CCDC180: variants seen among roughly 807,000 people sequenced by gnomAD.
The protein encoded by CCDC180 is coiled-coil domain containing 180.
CCDC180 carries 154 observed loss-of-function variants against 209.2 expected under a neutral mutation model. The ratio of observed to expected loss-of-function variants is 0.74; its 90% CI spans 0.65 to 0.84. CCDC180 has a LOEUF of 0.84. CCDC180 is among the 40% of genes least tolerant of loss of function. The pLI, the probability that CCDC180 is intolerant of heterozygous loss-of-function variation, is 0.00. For synonymous variants in CCDC180, 778 were observed against 749.1 expected (o/e 1.04, Z -0.63); for missense variants, 1,874 against 1,997.3 (o/e 0.94, Z 1.18).
chr9:97,338,295 A>C (rs1825970402), intron 18 of CCDC180, among the ~76,000 whole-genome samples: 1 of 152,176 alleles, frequency 6.6e-6, no homozygotes. Context: ...TCTTGTGGGC[A>C]TTTAGTGCTA....
chr9:97,366,641 G>T lies in CCDC180; in HGVS notation c.4130G>T (p.Ser1377Ile), dbSNP rs771492902. ...DTFDQCAENI[S>I]KKILEYQSQA... ...TTTGACCAGTGCGCCGAGAACATTA[G>T]CAAAAAGATCCTGGAGTATCAGAGC... Residue 1377 changes from serine to isoleucine, a missense_variant, in exon 31 of 37, where the codon AGC becomes ATC. Transcript: ENST00000529487. This position sits in a 1 kb window ranked among gnomAD's most constrained non-coding sequence, Gnocchi z 4.3. 2 of 1,614,204 alleles carry T rather than the reference G, an allele frequency of 1.2e-6. No individual in the cohort carries two copies. Among genetic ancestry groups the T allele is most frequent in the South Asian group, 2.2e-5 (2 of 91,084 alleles).
chr9:97,323,296 C>T (rs1412018488), intron 12 of CCDC180, among the ~76,000 whole-genome samples: 17 of 152,114 alleles, frequency 1.1e-4, no homozygotes, highest in Admixed American at 1.0e-3. Context: ...CAGCACTGGG[C>T]GTTGTTTATG....
chr9:97,375,609 G>A lies in CCDC180; in HGVS notation c.4842+20G>A. The A allele has an allele frequency of 1.2e-6, 2 of 1,614,050 alleles. No individual in the cohort carries two copies. On this transcript the variant is annotated intron_variant, in intron 36 of 36. Coordinates refer to ENST00000529487, the MANE Select transcript of CCDC180 (RefSeq NM_020893.6). Reference sequence around the variant, plus strand: ...TACCTGGTGAGACAGGGTGGAGTGGGCGTGTCCCAGGGAGCACAGCTCAGG... The same window carrying A: ...TACCTGGTGAGACAGGGTGGAGTGGACGTGTCCCAGGGAGCACAGCTCAGG...
chr9:97,375,754 C>T, intron 36 of CCDC180, 165 bp downstream of exon 36: 1 of 759,606 alleles, frequency 1.3e-6, no homozygotes, highest in South Asian at 1.8e-5. Flanking sequence ...GGACAGTCAC[C>T]ATTCACAGGC....
At chr9:97,358,739 G>A (rs745702503) in intron 25 of CCDC180, among the ~76,000 whole-genome samples, 6 of 152,124 alleles carry the variant, frequency 3.9e-5, no homozygotes, top group South Asian at 2.1e-4. Context: ...GGCCACACCA[G>A]GGAACCATTC....
At chr9:97,359,905 C>G in intron 25 of CCDC180, 77 bp from the exon 26 acceptor site, 9 of 1,571,058 alleles carry the variant, frequency 5.7e-6, no homozygotes, top group Middle Eastern at 1.7e-4. Context: ...AGCCCCTGTT[C>G]CCGCACTTCC....
chr9:97,317,298 T>C, intron 9 of CCDC180, 70 bp downstream of exon 9: 1 of 1,349,852 alleles, frequency 7.4e-7, no homozygotes, highest in Non-Finnish European at 9.7e-7. Flanking sequence ...GGCGGCATTC[T>C]CCCTCACTTT....
chr9:97,348,721 C>T (rs1472507461), intron 20 of CCDC180, among the ~76,000 whole-genome samples: 3 of 152,164 alleles, frequency 2.0e-5, no homozygotes, highest in South Asian at 4.1e-4. Flanking sequence ...CATAAGTATC[C>T]GCTGATGTTA....
At position 97,354,972 on chromosome 9, in the gene CCDC180, G is replaced by A. The variant is rs2118840344; in HGVS notation, c.3228G>A (p.Arg1076=). 1 of 1,613,818 alleles carries A rather than the reference G, an allele frequency of 6.2e-7. No homozygotes were observed. Among genetic ancestry groups the A allele is most frequent in the East Asian group, 2.2e-5 (1 of 44,882 alleles). The change falls in exon 24 of 37, where the codon CGG becomes CGA. Residue 1076 remains arginine (R), a synonymous_variant. Transcript: ENST00000529487. The part of the protein sequence containing the change: ...VDLIFIEKIQ[R]LLTNLQVKIK... ...TTATTTTCATAGAGAAAATCCAGCGGTTGCTGACGAATCTGCAAGTGAAAA... is the reference window on the plus strand; with the variant it reads ...TTATTTTCATAGAGAAAATCCAGCGATTGCTGACGAATCTGCAAGTGAAAA...
At chr9:97,332,911 T>C (rs542225721) in intron 18 of CCDC180, among the ~76,000 whole-genome samples, 5 of 152,214 alleles carry the variant, frequency 3.3e-5, no homozygotes, top group African/African-American at 4.8e-5. Context: ...ACTAGTTGAA[T>C]AGGAGTGGTG....
chr9:97,318,945 G>A (rs1324303799), intron 10 of CCDC180, among the ~76,000 whole-genome samples: 1 of 152,184 alleles, frequency 6.6e-6, no homozygotes, highest in African/African-American at 2.4e-5. Context: ...CAGTTTGGAG[G>A]TATGTGTCAG....
intron 31 of CCDC180, among the ~76,000 whole-genome samples, chr9:97,369,056 C>G (rs1472118689): frequency 6.6e-6 from 1 of 152,114 alleles, no homozygotes; most frequent in Non-Finnish European, 1.5e-5. Context: ...ATAAAACTTT[C>G]ATGAAGGAAA....
intron 9 of CCDC180, 108 bp from the exon 10 acceptor site, chr9:97,318,355 G>A (rs1191217459): frequency 5.8e-6 from 8 of 1,378,996 alleles, no homozygotes; most frequent in Non-Finnish European, 7.9e-6. Flanking sequence ...TGGTGTTAGG[G>A]AAGGAGTGCT....
rs201795180 is a variant in CCDC180, at chr9:97,325,112, C to G, written c.1465C>G (p.Gln489Glu). ...GGTGGTACAACTGTGGGAGGCACAC[C>G]AGAGCGAGCTGTTGGTGCAGGAGCT... ...QEVVQLWEAHQSELLVQELEL... is the reference protein window; with the variant it reads ...QEVVQLWEAHESELLVQELEL... The change falls in exon 14 of 37, where the codon CAG (glutamine) becomes GAG (glutamate). Residue 489 changes from glutamine (Q) to glutamate (E), a missense_variant. Gln to Glu is a conservative substitution (Grantham distance 29). Coordinates refer to ENST00000529487, the MANE Select transcript of CCDC180 (RefSeq NM_020893.6). 2 of 1,613,660 alleles carry G rather than the reference C, an allele frequency of 1.2e-6. No individual in the cohort carries two copies. Among genetic ancestry groups the G allele is most frequent in the Non-Finnish European group, 1.7e-6 (2 of 1,179,898 alleles).
chr9:97,307,840 C>G (rs1388022271), intron 1 of CCDC180, 34 bp downstream of exon 1: 2 of 1,613,158 alleles, frequency 1.2e-6, no homozygotes, highest in South Asian at 1.1e-5. Flanking sequence ...AGTTAAAACC[C>G]TAAGTCGACG....
intron 18 of CCDC180, among the ~76,000 whole-genome samples, chr9:97,341,214 CCAGA>C (rs1826067577): frequency 6.6e-6 from 1 of 152,128 alleles, no homozygotes; most frequent in Non-Finnish European, 1.5e-5. Flanking sequence ...AACTGTGCAG[CCAGA>C]CATTCAGGGC....
At position 97,364,065 on chromosome 9, in the gene CCDC180, C is replaced by G. The variant is rs1023186538; in HGVS notation, c.3917C>G (p.Pro1306Arg). ...TTGTCCCACAGCTTCACACCGCACCCCAAGCCCAACAAAATGGAGAGAAAG... is the reference window on the plus strand; with the variant it reads ...TTGTCCCACAGCTTCACACCGCACCGCAAGCCCAACAAAATGGAGAGAAAG... ...ATSAGSFTPH[P>R]KPNKMERKYR... is the part of the protein sequence containing the mutation. Residue 1306 changes from proline to arginine, a missense_variant, in exon 29 of 37, where the codon CCC becomes CGC. By Grantham distance (103) the Pro-to-Arg change is moderately radical (BLOSUM62 -2). Coordinates refer to ENST00000529487, the MANE Select transcript of CCDC180 (RefSeq NM_020893.6). The G allele has an allele frequency of 6.2e-7, 1 of 1,614,132 alleles. No individual in the cohort carries two copies. The highest frequency in any genetic ancestry group is 8.5e-7 in the Non-Finnish European group (1 of 1,180,000).
intron 21 of CCDC180, 84 bp downstream of exon 21, chr9:97,349,375 C>T: frequency 8.1e-7 from 1 of 1,233,588 alleles, no homozygotes; most frequent in Admixed American, 2.5e-5. Flanking sequence ...GCCCCCCTCC[C>T]TGTAGACACA....
At chr9:97,314,802 T>G in intron 7 of CCDC180, 49 bp from the exon 8 acceptor site, 1 of 1,601,644 alleles carries the variant, frequency 6.2e-7, no homozygotes, top group Non-Finnish European at 8.6e-7. Flanking sequence ...TGTTTCCTTT[T>G]AGTTCTCCAG....
Sources: allele counts gnomAD v4.1 joint callset (sites outside exome capture counted in the v4.1 genomes callset), GRCh38; gene constraint gnomAD v4.1.1; non-coding constraint Gnocchi (gnomAD v3.1); transcripts MANE v1.5; gene names NCBI Gene and HGNC (gene_info 2026-07-23, HGNC 2026-07-21).